Variants in RSPH6A observed in about 807,000 individuals in gnomAD.
The protein encoded by RSPH6A is radial spoke head 6 homolog A.
RSPH6A carries 49 observed loss-of-function variants against 66.1 expected under a neutral mutation model. That is an observed-to-expected ratio of 0.74 (90% CI 0.59 to 0.94). The LOEUF (loss-of-function observed/expected upper bound fraction) is 0.94, where lower values mean the gene tolerates loss of function less well. Among genes scored for constraint, RSPH6A ranks in the 40% least tolerant of loss-of-function variants. The pLI, the probability that RSPH6A is intolerant of heterozygous loss-of-function variation, is 0.00. For synonymous variants in RSPH6A, 419 were observed against 402.4 expected (o/e 1.04, Z -0.49); for missense variants, 977 against 948.3 (o/e 1.03, Z -0.40).
chr19:45,808,777 T>G (rs1200441040), intron 2 of RSPH6A, among the ~76,000 whole-genome samples: 1 of 142,578 alleles, frequency 7.0e-6, no homozygotes, highest in Non-Finnish European at 1.5e-5. Flanking sequence ...TTCTCCCGCC[T>G]CAGCCTCCTG....
intron 2 of RSPH6A, 35 bp from the exon 3 acceptor site, chr19:45,805,051 T>G: frequency 1.9e-6 from 3 of 1,540,934 alleles, no homozygotes; most frequent in Non-Finnish European, 2.6e-6. Flanking sequence ...GAGGGGAGAA[T>G]GCTGAAGCTC....
rs1215707001 is a variant in RSPH6A, at chr19:45,814,618, C to T, written c.559G>A (p.Ala187Thr). The T allele has an allele frequency of 1.9e-6, 3 of 1,595,570 alleles. No homozygotes were observed. The highest frequency in any genetic ancestry group is 2.2e-5 in the East Asian group (1 of 44,774). ...PSELGFPHYSAQVPEPEPLEL... is the reference protein window; with the variant it reads ...PSELGFPHYSTQVPEPEPLEL... ...AGAGGCTCGGGCTCAGGCACCTGGGCACTGTAGTGTGGGAAGCCCAGCTCA... is the reference window on the plus strand; with the variant it reads ...AGAGGCTCGGGCTCAGGCACCTGGGTACTGTAGTGTGGGAAGCCCAGCTCA... Residue 187 changes from alanine (A) to threonine (T), a missense_variant, in exon 1 of 6, where the codon GCC becomes ACC. Physicochemically the swap from Ala to Thr is moderately conservative, Grantham distance 58. Transcript: ENST00000221538.
chr19:45,804,350 A>G lies in RSPH6A; in HGVS notation c.1555T>C (p.Ser519Pro). 6.2e-7 allele frequency: 1 copy of G among 1,614,194 alleles called. No individual in the cohort carries two copies. The highest frequency in any genetic ancestry group is 2.2e-5 in the East Asian group (1 of 44,882). ...TCGAAGTCCGGGTTCTCCTCGTAGG[A>G]GTCGCGCCCAGCACCACCTTCCTCC... Reference protein sequence around the residue: ...EEEEGGAGRDSYEENPDFEGI... With the variant: ...EEEEGGAGRDPYEENPDFEGI... Residue 519 changes from serine to proline, a missense_variant, in exon 3 of 6, where the codon TCC becomes CCC. Ser to Pro is a moderately conservative substitution (Grantham distance 74). Transcript: ENST00000221538. This position sits in a 1 kb window ranked among gnomAD's most constrained non-coding sequence, Gnocchi z 5.8.
At chr19:45,810,862 G>A in intron 1 of RSPH6A, 22 bp from the exon 2 acceptor site, 2 of 1,579,068 alleles carry the variant, frequency 1.3e-6, no homozygotes, top group East Asian at 2.2e-5. Context: ...AGGAGGAGTG[G>A]GAGGAGAGGG....
chr19:45,800,962 T>A (rs1009631004), intron 4 of RSPH6A, among the ~76,000 whole-genome samples: 1 of 151,928 alleles, frequency 6.6e-6, no homozygotes, highest in East Asian at 1.9e-4. Flanking sequence ...CACGCCCGGC[T>A]AATTTTTGTA....
chr19:45,797,368 G>T, intron 5 of RSPH6A, among the ~76,000 whole-genome samples: 1 of 145,970 alleles, frequency 6.9e-6, no homozygotes, highest in Non-Finnish European at 1.5e-5. Context: ...GTGACAGAGT[G>T]AGACTCTGTC....
At position 45,814,444 on chromosome 19, in the gene RSPH6A, T is replaced by A. The variant is rs1390796137; in HGVS notation, c.650+83A>T. The A allele has an allele frequency of 2.3e-6, 3 of 1,298,004 alleles. No homozygotes were observed. In the African/African-American group the frequency reaches 4.5e-5, roughly 19 times the overall value. 80.4% of individuals were successfully genotyped at this position (1,298,004 alleles called of 1,614,324 possible). A position where few individuals can be genotyped will look rare whatever the true frequency, so the allele number is the denominator to read the frequency against. ...GTTTTCCATGAGGGATGATCCCTTG[T>A]CTGACTGACTGAGGCAGGCACTTCG... On this transcript the variant is annotated intron_variant, in intron 1 of 5. Coordinates refer to ENST00000221538, the MANE Select transcript of RSPH6A (RefSeq NM_030785.4).
At chr19:45,798,917 A>G (rs1970437896) in intron 5 of RSPH6A, among the ~76,000 whole-genome samples, 1 of 145,682 alleles carries the variant, frequency 6.9e-6, no homozygotes, top group Non-Finnish European at 1.5e-5. Flanking sequence ...GGGACAGAAG[A>G]GCGTTGGGTG....
At chr19:45,811,118 C>G (rs929046167) in intron 1 of RSPH6A, among the ~76,000 whole-genome samples, 1 of 152,278 alleles carries the variant, frequency 6.6e-6, no homozygotes, top group South Asian at 2.1e-4. Context: ...CTCAGCCTCC[C>G]GAGTAGCTGG....
Position 45,796,102 on chromosome 19 carries a change from AC to A in RSPH6A, c.1920del (p.Lys640AsnfsTer39). 1 of 1,546,378 alleles carries A rather than the reference AC, an allele frequency of 6.5e-7. No individual in the cohort carries two copies. On this transcript the variant is annotated frameshift_variant, in exon 6 of 6. Coordinates refer to ENST00000221538, the MANE Select transcript of RSPH6A (RefSeq NM_030785.4). LOFTEE classifies it high-confidence loss of function. ...CCCCAGCCGATGTAGATGTTCTCAAACTTTCTGGAGAAGCAGTGAGACACTG... is the reference window on the plus strand; with the variant it reads ...CCCCAGCCGATGTAGATGTTCTCAAATTTCTGGAGAAGCAGTGAGACACTG... ...PGAYAYASGK[K>X]FENIYIGWGH...
Position 45,814,882 on chromosome 19 carries a change from G to C in RSPH6A, c.295C>G (p.Gln99Glu), listed in dbSNP as rs772217026. Residue 99 changes from glutamine to glutamate, a missense_variant, in exon 1 of 6, where the codon CAG (glutamine) becomes GAG (glutamate). Coordinates refer to ENST00000221538, the MANE Select transcript of RSPH6A (RefSeq NM_030785.4). ...CTTTCATCAGAGTAAGGCTGAGGCT[G>C]GAACTCTGAGGGAAAGCCCGTGTTC... ...SVNTGFPSEF[Q>E]PQPYSDESRM... The C allele has an allele frequency of 1.2e-6, 2 of 1,614,010 alleles. No homozygotes were observed. Among genetic ancestry groups the C allele is most frequent in the South Asian group, 2.2e-5 (2 of 91,090 alleles).
chr19:45,798,256 G>T (rs1473640672), intron 5 of RSPH6A, among the ~76,000 whole-genome samples: 1 of 152,008 alleles, frequency 6.6e-6, no homozygotes, highest in South Asian at 2.1e-4. Context: ...CTACTAGGGG[G>T]GCTGAGGCAG....
chr19:45,814,238 A>T (rs981572320), intron 1 of RSPH6A, among the ~76,000 whole-genome samples: 3 of 152,038 alleles, frequency 2.0e-5, no homozygotes, highest in African/African-American at 7.2e-5. Context: ...CTAGCTGTGT[A>T]GTTTTGGGTA....
chr19:45,804,509 G>A lies in RSPH6A; in HGVS notation c.1396C>T (p.Pro466Ser), dbSNP rs1484232311. 2 of 1,614,230 alleles carry A rather than the reference G, an allele frequency of 1.2e-6. No individual in the cohort carries two copies. The highest frequency in any genetic ancestry group is 1.7e-6 in the Non-Finnish European group (2 of 1,180,042). Reference protein sequence around the residue: ...KKFFTGYLDTPVVSYPPFPGN... With the variant: ...KKFFTGYLDTSVVSYPPFPGN... ...GGGAAGGGTGGGTAGCTGACGACTG[G>A]CGTGTCCAGGTAGCCTGTGAAGAAC... is the stretch of plus-strand genomic sequence containing the variant. Residue 466 changes from proline (P) to serine (S), a missense_variant, in exon 3 of 6, where the codon CCA becomes TCA. Pro to Ser is a moderately conservative substitution (Grantham distance 74). Transcript: ENST00000221538. This position sits in a 1 kb window ranked among gnomAD's most constrained non-coding sequence, Gnocchi z 5.8.
intron 5 of RSPH6A, among the ~76,000 whole-genome samples, chr19:45,798,794 G>A (rs1334362975): frequency 2.1e-5 from 3 of 144,116 alleles, no homozygotes; most frequent in Non-Finnish European, 1.5e-5. Flanking sequence ...AGCCGAGATC[G>A]CGCCACTGCA....
At position 45,800,429 on chromosome 19, in the gene RSPH6A, G is replaced by A; in HGVS notation, c.1916+17C>T. On this transcript the variant is annotated intron_variant, in intron 5 of 5. Transcript: ENST00000221538. ...CTGAGAGATTCTCCTGCTGGGAGGG[G>A]CTGGGGGAAGACCTACTTGCCACTG... is the stretch of plus-strand genomic sequence containing the variant. 6.2e-7 allele frequency: 1 copy of A among 1,603,402 alleles called. No individual in the cohort carries two copies. The highest frequency in any genetic ancestry group is 8.5e-7 in the Non-Finnish European group (1 of 1,172,114).
At chr19:45,808,281 A>T (rs1205763091) in intron 2 of RSPH6A, among the ~76,000 whole-genome samples, 2 of 152,200 alleles carry the variant, frequency 1.3e-5, no homozygotes, top group African/African-American at 4.8e-5. Context: ...ACAACAAATT[A>T]GCCAGGCGTG....
chr19:45,802,163 C>G lies in RSPH6A; in HGVS notation c.1755G>C (p.Gln585His), dbSNP rs557286942. Residue 585 changes from glutamine to histidine, a missense_variant, in exon 4 of 6, where the codon CAG becomes CAC. Transcript: ENST00000221538. ...KADEGPEEVE[Q>H]EVGPPLLTPL... ...GCGTTAGCAGTGGGGGGCCAACCTC[C>G]TGCTCCACCTCCTCTGGCCCCTCAT... 4.5e-6 allele frequency: 7 copies of G among 1,563,086 alleles called. No individual in the cohort carries two copies. In the South Asian group the frequency reaches 8.3e-5, roughly 18 times the overall value.
intron 1 of RSPH6A, 30 bp from the exon 2 acceptor site, chr19:45,810,870 G>A (rs897500773): frequency 6.4e-7 from 1 of 1,562,522 alleles, no homozygotes; most frequent in Non-Finnish European, 8.7e-7. Flanking sequence ...TGGGAGGAGA[G>A]GGACCTCACT....
Sources: gnomAD v4.1 joint callset for allele counts (sites outside exome capture counted in the v4.1 genomes callset) on GRCh38, gnomAD v4.1.1 for gene constraint, Gnocchi (gnomAD v3.1) non-coding constraint, MANE v1.5 for transcripts, NCBI Gene and HGNC (gene_info 2026-07-23, HGNC 2026-07-21) for gene names.